Variants in PTPRD observed in about 807,000 individuals in gnomAD.
The protein encoded by PTPRD is receptor-type tyrosine-protein phosphatase delta.
A neutral mutation model predicts 214.5 loss-of-function variants in PTPRD; 34 were observed. That is an observed-to-expected ratio of 0.16 (90% CI 0.12 to 0.21). PTPRD has a LOEUF of 0.21. Among genes scored for constraint, PTPRD ranks in the 10% least tolerant of loss-of-function variants. The pLI is 1.00. For missense variants in PTPRD, 2,545 were observed against 2,398.7 expected, an observed-to-expected ratio of 1.06 and a Z score of -1.27; for synonymous variants, 1,128 against 845.7, an observed-to-expected ratio of 1.33 and a Z score of -5.79.
At chr9:10,392,754 A>T (rs554471118) in intron 2 of PTPRD, among the ~76,000 whole-genome samples, 1 of 152,020 alleles carries the variant, frequency 6.6e-6, no homozygotes, top group African/African-American at 2.4e-5. Flanking sequence ...GAAAAAACAG[A>T]AAAAGGATTG....
At chr9:8,764,414 G>C (rs1173356138) in intron 11 of PTPRD, among the ~76,000 whole-genome samples, 1 of 152,090 alleles carries the variant, frequency 6.6e-6, no homozygotes, top group African/African-American at 2.4e-5. Flanking sequence ...ACAGTTTAGA[G>C]ATTTAAAACA....
At chr9:9,795,632 C>T (rs1028177163) in intron 5 of PTPRD, among the ~76,000 whole-genome samples, 1 of 152,028 alleles carries the variant, frequency 6.6e-6, no homozygotes, top group Non-Finnish European at 1.5e-5. Context: ...TAACCTTTTT[C>T]TTATTTTTGA....
intron 12 of PTPRD, among the ~76,000 whole-genome samples, chr9:8,676,959 G>C (rs965254901): frequency 3.3e-5 from 5 of 152,172 alleles, no homozygotes; most frequent in African/African-American, 1.2e-4. Flanking sequence ...AAAAAAGAAT[G>C]CCTGAATGAA....
intron 9 of PTPRD, among the ~76,000 whole-genome samples, chr9:9,205,503 TA>T (rs1013297423): frequency 4.6e-5 from 7 of 152,262 alleles, no homozygotes; most frequent in African/African-American, 1.4e-4. Context: ...ACCATAAAAG[TA>T]TGCCAAAATT....
chr9:10,151,703 G>A (rs1181454233), intron 3 of PTPRD, among the ~76,000 whole-genome samples: 1 of 151,994 alleles, frequency 6.6e-6, no homozygotes, highest in African/African-American at 2.4e-5. Context: ...ATATTAAATT[G>A]TCCCAAACCC....
At chr9:9,699,918 T>C (rs1203904953) in intron 7 of PTPRD, among the ~76,000 whole-genome samples, 1 of 152,172 alleles carries the variant, frequency 6.6e-6, no homozygotes, top group African/African-American at 2.4e-5. Flanking sequence ...GATAACCCTG[T>C]ACAGCAGGAG....
chr9:9,893,406 T>A (rs557276270), intron 5 of PTPRD, among the ~76,000 whole-genome samples: 7 of 152,034 alleles, frequency 4.6e-5, no homozygotes, highest in African/African-American at 1.2e-4. Context: ...ATGACACACA[T>A]AGACTCAAAA....
At chr9:9,855,073 G>A (rs1218243054) in intron 5 of PTPRD, among the ~76,000 whole-genome samples, 1 of 152,222 alleles carries the variant, frequency 6.6e-6, no homozygotes, top group African/African-American at 2.4e-5. Context: ...TGGCTTTGCA[G>A]ACATCTAAGT....
At chr9:9,757,762 C>A (rs1210937818) in intron 6 of PTPRD, among the ~76,000 whole-genome samples, 1 of 152,038 alleles carries the variant, frequency 6.6e-6, no homozygotes, top group East Asian at 1.9e-4. Flanking sequence ...CTTATAAAAT[C>A]TTCATCATGA....
chr9:10,390,134 A>T (rs545996587), intron 2 of PTPRD, among the ~76,000 whole-genome samples: 2 of 151,990 alleles, frequency 1.3e-5, no homozygotes, highest in African/African-American at 4.8e-5. Context: ...TATACAGTAC[A>T]GATTAAACAC....
chr9:9,267,345 T>G (rs1940400059), intron 9 of PTPRD, among the ~76,000 whole-genome samples: 1 of 151,084 alleles, frequency 6.6e-6, no homozygotes, highest in Non-Finnish European at 1.5e-5. Context: ...CCACAAACAA[T>G]AAATAATGAA....
chr9:10,582,082 G>A (rs868235119), intron 2 of PTPRD, among the ~76,000 whole-genome samples: 11 of 152,144 alleles, frequency 7.2e-5, no homozygotes, highest in Admixed American at 7.2e-4. Flanking sequence ...TTAGTCAGGT[G>A]CTTCTTGGCA....
rs937776049 is a variant in PTPRD, at chr9:9,693,718, C to T, written c.-287+40815G>A. On this transcript the variant is annotated intron_variant, in intron 7 of 45. Coordinates refer to ENST00000381196, the MANE Select transcript of PTPRD (RefSeq NM_002839.4). ...TTCTCTACCTCCTCTTTAATTAAGG[C>T]CACTCTTAGACTTACCCTTTTGAGG... is the stretch of plus-strand genomic sequence containing the variant. 3.3e-5 allele frequency among the ~76,000 whole-genome samples: 5 copies of T among 152,114 alleles called. No individual in the cohort carries two copies. In the East Asian group the frequency reaches 9.6e-4, roughly 29 times the overall value.
intron 10 of PTPRD, among the ~76,000 whole-genome samples, chr9:9,158,341 C>T (rs944786247): frequency 6.6e-5 from 10 of 152,094 alleles, no homozygotes; most frequent in Non-Finnish European, 1.5e-4. Context: ...TAGACTCACG[C>T]CTGTAATCCC....
chr9:8,950,845 A>T (rs2099097892), intron 11 of PTPRD, among the ~76,000 whole-genome samples: 1 of 151,996 alleles, frequency 6.6e-6, no homozygotes, highest in Non-Finnish European at 1.5e-5. Context: ...CAAGACTAGA[A>T]CCTGGGTCTA....
At chr9:8,674,209 C>T (rs1033572410) in intron 12 of PTPRD, among the ~76,000 whole-genome samples, 1 of 152,034 alleles carries the variant, frequency 6.6e-6, no homozygotes, top group South Asian at 2.1e-4. Context: ...CCTGTAATCC[C>T]GGCACTTTGC....
intron 5 of PTPRD, among the ~76,000 whole-genome samples, chr9:9,846,633 G>C (rs1253632571): frequency 1.3e-5 from 2 of 152,044 alleles, no homozygotes; most frequent in Non-Finnish European, 2.9e-5. Flanking sequence ...AAGGAGTTCT[G>C]GTTTTGTATT....
intron 9 of PTPRD, among the ~76,000 whole-genome samples, chr9:9,383,198 T>C (rs1192478452): frequency 6.6e-6 from 1 of 152,058 alleles, no homozygotes; most frequent in Non-Finnish European, 1.5e-5. Flanking sequence ...TTTCATATCA[T>C]TTCCAGAGTT....
chr9:8,819,927 G>A (rs1452931304), intron 11 of PTPRD, among the ~76,000 whole-genome samples: 1 of 152,048 alleles, frequency 6.6e-6, no homozygotes, highest in Non-Finnish European at 1.5e-5. Context: ...AGGAAGCTAA[G>A]TATTATAAAA....
Sources: allele counts gnomAD v4.1 joint callset (sites outside exome capture counted in the v4.1 genomes callset), GRCh38; gene constraint gnomAD v4.1.1; transcripts MANE v1.5; gene names NCBI Gene and HGNC (gene_info 2026-07-23, HGNC 2026-07-21).